OGG1: variants seen among roughly 807,000 people sequenced by gnomAD.
The protein encoded by OGG1 is 8-oxoguanine DNA glycosylase, also known as N-glycosylase/DNA lyase.
In OGG1, 35 loss-of-function variants were observed where a neutral mutation model predicts 42.3. The ratio of observed to expected loss-of-function variants is 0.83; its 90% confidence interval spans 0.63 to 1.10. OGG1 has a LOEUF of 1.10. Ranked by LOEUF, OGG1 falls within the 50% of genes least tolerant of loss-of-function variation. The pLI is 0.00. For missense variants in OGG1, 484 were observed against 446.7 expected (o/e 1.08, Z -0.75); for synonymous variants, 189 against 179.0 (o/e 1.06, Z -0.44).
chr3:9,751,868 C>A lies in OGG1; in HGVS notation c.484C>A (p.Leu162Met). ...IARITGMVER[L>M]CQAFGPRLIQ... ...CCGCATCACTGGCATGGTGGAGCGG[C>A]TGTGCCAGGCTTTTGGACCTCGGCT... The change falls in exon 3 of 7, where the codon CTG becomes ATG. Residue 162 changes from leucine to methionine, a missense_variant. Physicochemically the swap from Leu to Met is conservative, Grantham distance 15 (BLOSUM62 2). Coordinates refer to ENST00000344629, the MANE Select transcript of OGG1 (RefSeq NM_002542.6). The A allele has an allele frequency of 1.2e-6, 2 of 1,614,228 alleles. No individual in the cohort carries two copies. Among genetic ancestry groups the A allele is most frequent in the Non-Finnish European group, 1.7e-6 (2 of 1,180,030 alleles).
At chr3:9,786,161 G>A (rs919738234) in intron 3 of OGG1, among the ~76,000 whole-genome samples, 5 of 152,002 alleles carry the variant, frequency 3.3e-5, no homozygotes, top group Admixed American at 6.6e-5. Context: ...GGATGGTCTC[G>A]ATCTCCTGAC....
chr3:9,763,068 G>A (rs1413097072), intron 7 of OGG1: 1 of 1,614,178 alleles, frequency 6.2e-7, no homozygotes, highest in East Asian at 2.2e-5. Flanking sequence ...GCAGGGGATA[G>A]GGCAGTCTGG....
chr3:9,759,388 T>C, downstream of OGG1: 2 of 1,563,744 alleles, frequency 1.3e-6, no homozygotes, highest in Non-Finnish European at 1.8e-6. Context: ...GCAGTTACTG[T>C]GTGCCCAGTG....
At chr3:9,786,903 T>C (rs894532318) in intron 3 of OGG1, 2 of 1,099,128 alleles carry the variant, frequency 1.8e-6, no homozygotes, top group African/African-American at 3.1e-5. Flanking sequence ...CAACCTATTT[T>C]TGCACCAACC....
chr3:9,780,637 C>T, intron 2 of OGG1: 1 of 1,392,942 alleles, frequency 7.2e-7, no homozygotes, highest in South Asian at 1.4e-5. Flanking sequence ...ACCCACCAGC[C>T]CAGGCTGGCA....
chr3:9,756,615 G>C lies in OGG1; in HGVS notation c.892G>C (p.Glu298Gln), dbSNP rs1457585580. The C allele has an allele frequency of 1.2e-6, 2 of 1,613,246 alleles. No individual in the cohort carries two copies. Among genetic ancestry groups the C allele is most frequent in the Admixed American group, 3.3e-5 (2 of 59,994 alleles). ...AKGPSPQTNKELGNFFRSLWG... is the reference protein window; with the variant it reads ...AKGPSPQTNKQLGNFFRSLWG... ...GGGACCGAGCCCCCAGACCAACAAG[G>C]AACTGGGTGAGGAAAGTGGGCTGCA... The change falls in exon 5 of 7, where the codon GAA (glutamate) becomes CAA (glutamine). Residue 298 changes from glutamate to glutamine, a missense_variant. Glu to Gln is a conservative substitution (Grantham distance 29). Transcript: ENST00000344629.
chr3:9,765,697 AG>A (rs1370309158), intron 7 of OGG1: 8 of 1,569,934 alleles, frequency 5.1e-6, no homozygotes, highest in Non-Finnish European at 7.0e-6. Flanking sequence ...GCAGGAAAGG[AG>A]GAGGATGGGA....
At chr3:9,757,825 C>T, downstream of OGG1, 1 of 1,608,796 alleles carries the variant, frequency 6.2e-7, no homozygotes. This position sits in a 1 kb window ranked among gnomAD's most constrained non-coding sequence, Gnocchi z 4.5. Context: ...TGCCGCACCA[C>T]AGCCGTGGCA....
downstream of OGG1, among the ~76,000 whole-genome samples, chr3:9,771,453 A>G (rs1293927941): frequency 6.6e-6 from 1 of 152,170 alleles, no homozygotes; most frequent in African/African-American, 2.4e-5. Context: ...GGAACATGGG[A>G]ATATTGAAGA....
At chr3:9,768,469 G>T (rs1299883813), downstream of OGG1, among the ~76,000 whole-genome samples, 1 of 152,208 alleles carries the variant, frequency 6.6e-6, no homozygotes, top group Non-Finnish European at 1.5e-5. Context: ...GCTGAGGTCT[G>T]TCTCATCCAG....
chr3:9,770,349 G>A (rs901616048), downstream of OGG1, among the ~76,000 whole-genome samples: 5 of 152,190 alleles, frequency 3.3e-5, no homozygotes, highest in Admixed American at 6.5e-5. Flanking sequence ...TGCCCTGAAG[G>A]GAAACAGGCC....
At chr3:9,780,173 G>A (rs1295018331) in intron 2 of OGG1, 5 of 561,048 alleles carry the variant, frequency 8.9e-6, no homozygotes, top group Non-Finnish European at 1.5e-5. Flanking sequence ...AGCCCAGCAG[G>A]GCTTCCTGTG....
downstream of OGG1, chr3:9,759,897 C>G: frequency 7.5e-7 from 1 of 1,325,506 alleles, no homozygotes; most frequent in Non-Finnish European, 1.0e-6. Context: ...AACCTATGCT[C>G]TTCTTCAGGC....
chr3:9,771,345 C>T (rs1400380048), downstream of OGG1, among the ~76,000 whole-genome samples: 1 of 152,136 alleles, frequency 6.6e-6, no homozygotes, highest in Non-Finnish European at 1.5e-5. Flanking sequence ...GCCCATCTTA[C>T]AGATGAGAGA....
chr3:9,767,054 C>T (rs2078174972), downstream of OGG1, among the ~76,000 whole-genome samples: 1 of 152,134 alleles, frequency 6.6e-6, no homozygotes, highest in Non-Finnish European at 1.5e-5. Context: ...TAGAACCATG[C>T]CTCTAAGCCT....
chr3:9,789,152 A>C (rs1162265257), downstream of OGG1, among the ~76,000 whole-genome samples: 1 of 152,172 alleles, frequency 6.6e-6, no homozygotes, highest in Non-Finnish European at 1.5e-5. Flanking sequence ...TTATATCTTA[A>C]AGAAAGAAGA....
downstream of OGG1, chr3:9,760,729 G>C (rs2077820088): frequency 3.1e-6 from 5 of 1,614,026 alleles, no homozygotes; most frequent in East Asian, 1.1e-4. Context: ...CAAAGAGTTT[G>C]GCATCATTCT....
chr3:9,750,659 A>T (rs2077258623), intron 1 of OGG1: 1 of 709,986 alleles, frequency 1.4e-6, no homozygotes, highest in Admixed American at 2.6e-5. Flanking sequence ...TCTTTTTTTG[A>T]GACAGGGTCT....
At chr3:9,766,656 C>G in exon 8 of OGG1, 1 of 1,051,926 alleles carries the variant, frequency 9.5e-7, no homozygotes. Context: ...CTAAAGTTAA[C>G]TGATTAAAGA....
Sources: allele counts gnomAD v4.1 joint callset (sites outside exome capture counted in the v4.1 genomes callset), GRCh38; gene constraint gnomAD v4.1.1; non-coding constraint Gnocchi (gnomAD v3.1); transcripts MANE v1.5; gene names NCBI Gene and HGNC (gene_info 2026-07-23, HGNC 2026-07-21).